Variants in COL15A1 observed in about 807,000 individuals in gnomAD.
The protein encoded by COL15A1 is collagen alpha-1(XV) chain.
A neutral mutation model predicts 165.9 loss-of-function variants in COL15A1; 111 were observed. That is an observed-to-expected ratio of 0.67 (90% CI 0.57 to 0.78). COL15A1 has a LOEUF of 0.78. Among genes scored for constraint, COL15A1 ranks in the 30% least tolerant of loss-of-function variants. The pLI is 0.00. For missense variants in COL15A1, 1,745 were observed against 1,789.7 expected, an observed-to-expected ratio of 0.98 and a Z score of 0.45; for synonymous variants, 659 against 674.8, an observed-to-expected ratio of 0.98 and a Z score of 0.36.
chr9:99,035,909 C>G (rs1461854331), intron 19 of COL15A1, among the ~76,000 whole-genome samples: 2 of 152,110 alleles, frequency 1.3e-5, no homozygotes, highest in Non-Finnish European at 2.9e-5. Context: ...TTAAATGGGC[C>G]CCAGAGCTGA....
At chr9:98,954,586 C>T (rs1165636987) in intron 2 of COL15A1, among the ~76,000 whole-genome samples, 2 of 152,168 alleles carry the variant, frequency 1.3e-5, no homozygotes, top group Non-Finnish European at 2.9e-5. Context: ...TCATTGCTCA[C>T]TATTATGAAC....
chr9:99,045,184 T>C (rs1226167132), intron 26 of COL15A1, among the ~76,000 whole-genome samples: 1 of 152,162 alleles, frequency 6.6e-6, no homozygotes, highest in Non-Finnish European at 1.5e-5. Flanking sequence ...ACCCAGACGC[T>C]TGTGGCCTCA....
rs778778001 is a variant in COL15A1, at chr9:98,944,167, A to T, written c.17A>T (p.Asn6Ile). The change falls in exon 2 of 42, where the codon AAC becomes ATC. Residue 6 changes from asparagine to isoleucine, a missense_variant. Transcript: ENST00000375001. MAPRR[N>I]NGQCWCLLML... ...CCCTCGGGCACATCTTGCAGGAGGA[A>T]CAACGGGCAGTGCTGGTGTCTGCTG... 1.2e-6 allele frequency: 2 copies of T among 1,613,904 alleles called. No individual in the cohort carries two copies. The highest frequency in any genetic ancestry group is 1.7e-6 in the Non-Finnish European group (2 of 1,179,968).
At chr9:99,006,966 C>A (rs1041436716) in intron 9 of COL15A1, among the ~76,000 whole-genome samples, 3 of 152,196 alleles carry the variant, frequency 2.0e-5, no homozygotes, top group Admixed American at 6.5e-5. Context: ...GAGGTCCTGA[C>A]AACATGTGCC....
intron 11 of COL15A1, among the ~76,000 whole-genome samples, chr9:99,017,669 T>C (rs1410516270): frequency 1.3e-5 from 2 of 152,098 alleles, no homozygotes; most frequent in South Asian, 2.1e-4. Flanking sequence ...CAGCTCTGGA[T>C]TGACCCGCTC....
intron 7 of COL15A1, 67 bp downstream of exon 7, chr9:99,001,018 G>A (rs1838643213): frequency 2.5e-6 from 2 of 800,466 alleles, no homozygotes; most frequent in African/African-American, 1.7e-5. Flanking sequence ...CAAACTTGGT[G>A]ATGATTTTAC....
At position 99,038,628 on chromosome 9, in the gene COL15A1, G is replaced by A. The variant is rs374760604; in HGVS notation, c.2410-40G>A. 4 of 1,230,066 alleles carry A rather than the reference G, an allele frequency of 3.3e-6. No homozygotes were observed. The African/African-American group carries it at 4.5e-5, about 14-fold the overall frequency. The allele number at this position is 1,230,066 out of a possible 1,614,324, so 76.2% of individuals were successfully genotyped here. A position where few individuals can be genotyped will look rare whatever the true frequency, so the allele number is the denominator to read the frequency against. On this transcript the variant is annotated intron_variant, in intron 21 of 41. Transcript: ENST00000375001. ...CTGCCAGGAACAAGGCAGAACACAT[G>A]CCATCCTTTGTCCTCATTGTCTGAT...
chr9:99,040,393 G>T, intron 22 of COL15A1, 128 bp from the exon 23 acceptor site: 1 of 1,482,512 alleles, frequency 6.7e-7, no homozygotes. Flanking sequence ...CCCTAATGCT[G>T]TGTCAATCCG....
At chr9:99,040,452 G>A in intron 22 of COL15A1, 69 bp from the exon 23 acceptor site, 2 of 1,613,332 alleles carry the variant, frequency 1.2e-6, no homozygotes, top group Non-Finnish European at 8.5e-7. Flanking sequence ...GGGCTGGGAG[G>A]GAGGGGGTCC....
rs1391595175 is a variant in COL15A1, at chr9:99,024,871, T to C, written c.1855-3T>C. The C allele has an allele frequency of 1.2e-6, 2 of 1,612,066 alleles. No homozygotes were observed. The highest frequency in any genetic ancestry group is 1.7e-6 in the Non-Finnish European group (2 of 1,179,316). ...GTTTCTAACAGAGTCTTTGTGTTTT[T>C]AGGGTCCTCCAGGACCCCCAGGGCC... On this transcript the variant is annotated splice_region_variant and splice_polypyrimidine_tract_variant and intron_variant, in intron 14 of 41. Transcript: ENST00000375001.
At chr9:98,990,653 G>A (rs372192953) in intron 5 of COL15A1, among the ~76,000 whole-genome samples, 1 of 152,234 alleles carries the variant, frequency 6.6e-6, no homozygotes, top group Non-Finnish European at 1.5e-5. Flanking sequence ...GGAGAGTGGA[G>A]TTTGAGCCTG....
Position 99,054,637 on chromosome 9 carries a change from G to C in COL15A1, c.3012G>C (p.Gln1004His), listed in dbSNP as rs1455763943. ...LPGSKGEKGD[Q>H]GAQGPPGPPL... is the part of the protein sequence containing the mutation. ...GCTCAAAGGGAGAAAAAGGCGACCA[G>C]GGAGCCCAGGGACCACCAGGTATTC... Residue 1004 changes from glutamine to histidine, a missense_variant, in exon 32 of 42, where the codon CAG becomes CAC. By Grantham distance (24) the Gln-to-His change is conservative. Coordinates refer to ENST00000375001, the MANE Select transcript of COL15A1 (RefSeq NM_001855.5). 1.9e-6 allele frequency: 3 copies of C among 1,612,570 alleles called. No homozygotes were observed. In the Admixed American group the frequency reaches 5.0e-5, roughly 27 times the overall value.
chr9:98,947,918 A>T (rs191225361), intron 2 of COL15A1, among the ~76,000 whole-genome samples: 1 of 152,116 alleles, frequency 6.6e-6, no homozygotes, highest in Non-Finnish European at 1.5e-5. Context: ...CCTGGGTTCC[A>T]CTCACTGACT....
intron 2 of COL15A1, among the ~76,000 whole-genome samples, chr9:98,959,892 C>T (rs766448032): frequency 6.6e-5 from 10 of 152,180 alleles, no homozygotes; most frequent in Non-Finnish European, 1.2e-4. Flanking sequence ...CAGTTCAAGG[C>T]CTCTTCTCCT....
At chr9:98,984,791 T>A (rs1459786976) in intron 2 of COL15A1, among the ~76,000 whole-genome samples, 1 of 152,114 alleles carries the variant, frequency 6.6e-6, no homozygotes, top group Non-Finnish European at 1.5e-5. Context: ...CTATCCAGTT[T>A]TTTTGTTTTT....
rs547414531 is a variant in COL15A1, at chr9:98,960,735, C to T, written c.100+16485C>T. On this transcript the variant is annotated intron_variant, in intron 2 of 41. Transcript: ENST00000375001. ...TGAGGAAACTATAAACGAAATAACG[C>T]CCCAAGCTCTTAGCACAGTGCCTGG... is the stretch of plus-strand genomic sequence containing the variant. Among the ~76,000 whole-genome samples, 12 of 152,324 alleles carry T rather than the reference C, an allele frequency of 7.9e-5. No individual in the cohort carries two copies. The South Asian group carries it at 2.5e-3, about 32-fold the overall frequency.
rs1057094442 is a variant in COL15A1 at position 99,003,472 on chromosome 9, C to T, written c.1085C>T (p.Ala362Val). 21 of 1,523,588 alleles carry T rather than the reference C, an allele frequency of 1.4e-5. 1 individual carries two copies. Among genetic ancestry groups the T allele is most frequent in the Middle Eastern group, 3.5e-4 (2 of 5,726 alleles). The allele number at this position is 1,523,588 out of a possible 1,614,324, so 94.4% of individuals were successfully genotyped here. Residue 362 changes from alanine (A) to valine (V), a missense_variant, in exon 8 of 42, where the codon GCG (alanine) becomes GTG (valine). Coordinates refer to ENST00000375001, the MANE Select transcript of COL15A1 (RefSeq NM_001855.5). Reference sequence around the variant, plus strand: ...TTTCAGAATTTAGCAGCAACAGCAGCGGGGCTGGCCGAGGTGCCCATCAGC... The same window carrying T: ...TTTCAGAATTTAGCAGCAACAGCAGTGGGGCTGGCCGAGGTGCCCATCAGC... ...AEEKNLAATA[A>V]GLAEVPISTA...
Position 98,985,905 on chromosome 9 carries a change from A to G in COL15A1, c.441A>G (p.Gln147=), listed in dbSNP as rs1410548384. 3 of 1,613,822 alleles carry G rather than the reference A, an allele frequency of 1.9e-6. No individual in the cohort carries two copies. Among genetic ancestry groups the G allele is most frequent in the Admixed American group, 3.3e-5 (2 of 60,010 alleles). ...YYTEPGSHVS[Q]EAAAFSVPVM... ...CGGAGCCAGGCTCCCATGTGTCCCA[A>G]GAGGCTGCTGCCTTCTCGGTGCCTG... Residue 147 remains glutamine, a synonymous_variant, in exon 3 of 42, where the codon CAA becomes CAG. Transcript: ENST00000375001.
intron 9 of COL15A1, among the ~76,000 whole-genome samples, chr9:99,012,665 CTTGTTTTTCCTTA>C (rs1323441456): frequency 6.7e-6 from 1 of 149,358 alleles, no homozygotes; most frequent in Non-Finnish European, 1.5e-5. Context: ...GGTCATTCTC[CTTGTTTTTCCTTA>C]TTCTTAGATT....
Sources: gnomAD v4.1 joint callset for allele counts (sites outside exome capture counted in the v4.1 genomes callset) on GRCh38, gnomAD v4.1.1 for gene constraint, MANE v1.5 for transcripts, NCBI Gene and HGNC (gene_info 2026-07-23, HGNC 2026-07-21) for gene names.